FAM20A: variants seen among roughly 807,000 people sequenced by gnomAD.
FAM20A encodes FAM20A golgi associated secretory pathway pseudokinase.
FAM20A carries 42 observed loss-of-function variants against 52.0 expected under a neutral mutation model. The observed-to-expected ratio is 0.81, with a 90% CI of 0.63 to 1.04. FAM20A has a LOEUF of 1.04. Among genes scored for constraint, FAM20A ranks in the 50% least tolerant of loss-of-function variants. The pLI, the probability that FAM20A is intolerant of heterozygous loss-of-function variation, is 0.00. For synonymous variants in FAM20A, 304 were observed against 298.9 expected, an observed-to-expected ratio of 1.02 and a Z score of -0.18; for missense variants, 742 against 712.7, an observed-to-expected ratio of 1.04 and a Z score of -0.47.
intron 1 of FAM20A, among the ~76,000 whole-genome samples, chr17:68,589,018 GAT>G (rs1189747532): frequency 8.5e-5 from 13 of 152,184 alleles, no homozygotes; most frequent in African/African-American, 3.1e-4. Flanking sequence ...CAATGGCCAG[GAT>G]TCCTGAATCT....
At chr17:68,560,991 A>C (rs2143744164) in intron 1 of FAM20A, among the ~76,000 whole-genome samples, 1 of 152,140 alleles carries the variant, frequency 6.6e-6, no homozygotes, top group African/African-American at 2.4e-5. Flanking sequence ...CTATGTTTGT[A>C]TTGAGTTGTT....
At position 68,580,291 on chromosome 17, in the gene FAM20A, A is replaced by G. The variant is rs1477652489; in HGVS notation, c.404+19972T>C. The stretch of plus-strand genomic sequence containing the variant: ...TGGGTGGGGGGAGACACAGAACCTG[A>G]TTAACTGTTTGCTGTTGAGAAAGCA... On this transcript the variant is annotated intron_variant, in intron 1 of 10. Coordinates refer to ENST00000592554, the MANE Select transcript of FAM20A (RefSeq NM_017565.4). Among the ~76,000 whole-genome samples, 3 of 152,206 alleles carry G rather than the reference A, an allele frequency of 2.0e-5. No individual in the cohort carries two copies. The East Asian group carries it at 5.8e-4, about 29-fold the overall frequency.
At chr17:68,541,093 C>T in intron 7 of FAM20A, 135 bp from the exon 8 acceptor site, 3 of 1,361,334 alleles carry the variant, frequency 2.2e-6, no homozygotes, top group South Asian at 2.6e-5. Flanking sequence ...TTCTAAAATT[C>T]AGAAAGGCCC....
At position 68,600,729 on chromosome 17, in the gene FAM20A, C is replaced by T. The variant is rs1043624896; in HGVS notation, c.-63G>A. On this transcript the variant is annotated 5_prime_UTR_variant, in exon 1 of 11. Transcript: ENST00000592554. The surrounding 1 kb of genome is among the most constrained non-coding windows in gnomAD (Gnocchi z 6.2). ...CTGTCTCCGGGGTCCCGGGAGGGGTCGCGGGGTGCGGGCAGAAGAGGTGCC... is the reference window on the plus strand; with the variant it reads ...CTGTCTCCGGGGTCCCGGGAGGGGTTGCGGGGTGCGGGCAGAAGAGGTGCC... The T allele has an allele frequency of 4.0e-6, 6 of 1,501,192 alleles. No homozygotes were observed. In the African/African-American group the frequency reaches 7.1e-5, roughly 18 times the overall value. The allele number at this position is 1,501,192 out of a possible 1,614,324, so 93.0% of individuals were successfully genotyped here.
rs762609484 is a variant in FAM20A, at chr17:68,600,419, C to T, written c.248G>A (p.Gly83Asp). 2.1e-5 allele frequency: 34 copies of T among 1,610,034 alleles called. No individual in the cohort carries two copies. The Admixed American group carries it at 5.5e-4, about 26-fold the overall frequency. ...RTEPRTEPAG[G>D]SHSGSSSKLQ... ...CTTGGAGCTCGACCCGCTGTGGCTG[C>T]CGCCAGCCGGTTCAGTCCGGGGCTC... The change falls in exon 1 of 11, where the codon GGC becomes GAC. Residue 83 changes from glycine (G) to aspartate (D), a missense_variant. Coordinates refer to ENST00000592554, the MANE Select transcript of FAM20A (RefSeq NM_017565.4). The surrounding 1 kb of genome is among the most constrained non-coding windows in gnomAD (Gnocchi z 6.2).
At position 68,535,836 on chromosome 17, in the gene FAM20A, T is replaced by C. The variant is rs1470418343; in HGVS notation, c.*1641A>G. Reference sequence around the variant, plus strand: ...TTTTTTTTAAGCAAACAAATTTGACTTCATAAATTGGGTGGGATACTGTTG... The same window carrying C: ...TTTTTTTTAAGCAAACAAATTTGACCTCATAAATTGGGTGGGATACTGTTG... On this transcript the variant is annotated 3_prime_UTR_variant, in exon 11 of 11. Coordinates refer to ENST00000592554, the MANE Select transcript of FAM20A (RefSeq NM_017565.4). 2.2e-6 allele frequency: 1 copy of C among 453,868 alleles called. No homozygotes were observed. The allele number at this position is 453,868 out of a possible 1,614,324, so 28.1% of individuals were successfully genotyped here. A position where few individuals can be genotyped will look rare whatever the true frequency, so the allele number is the denominator to read the frequency against.
At chr17:68,540,690 C>G in intron 8 of FAM20A, 159 bp downstream of exon 8, 1 of 895,742 alleles carries the variant, frequency 1.1e-6, no homozygotes, top group Non-Finnish European at 1.8e-6. Flanking sequence ...AGCCTGTTAC[C>G]TTCTGTCCTC....
At chr17:68,543,773 T>C (rs772905042) in intron 4 of FAM20A, 52 bp from the exon 5 acceptor site, 1 of 1,491,568 alleles carries the variant, frequency 6.7e-7, no homozygotes, top group Admixed American at 1.7e-5. Flanking sequence ...GCTGGGAGCC[T>C]GAGAAGAGAG....
rs903537249 is a variant in FAM20A, at chr17:68,539,232, C to G, written c.1361+105G>C. On this transcript the variant is annotated intron_variant, in intron 10 of 10. Coordinates refer to ENST00000592554, the MANE Select transcript of FAM20A (RefSeq NM_017565.4). Reference sequence around the variant, plus strand: ...TGATTCATGTCATTCTACCCACTTACGTCCTGGACCAGTGAAAACTGGAAG... The same window carrying G: ...TGATTCATGTCATTCTACCCACTTAGGTCCTGGACCAGTGAAAACTGGAAG... 6.7e-6 allele frequency: 7 copies of G among 1,050,922 alleles called. No homozygotes were observed. In the East Asian group the frequency reaches 1.7e-4, roughly 25 times the overall value. 65.1% of individuals were successfully genotyped at this position (1,050,922 alleles called of 1,614,324 possible).
intron 4 of FAM20A, chr17:68,551,032 A>G: frequency 8.2e-7 from 1 of 1,213,676 alleles, no homozygotes; most frequent in Non-Finnish European, 1.0e-6. Context: ...TTCTGGAGGA[A>G]AGCATGACTT....
intron 1 of FAM20A, among the ~76,000 whole-genome samples, chr17:68,564,511 T>C (rs781727860): frequency 1.8e-4 from 27 of 152,220 alleles, no homozygotes; most frequent in Non-Finnish European, 3.2e-4. Context: ...GGCATGTATG[T>C]CATACTTGCA....
At chr17:68,589,244 T>C (rs1383905558) in intron 1 of FAM20A, among the ~76,000 whole-genome samples, 1 of 152,062 alleles carries the variant, frequency 6.6e-6, no homozygotes, top group Non-Finnish European at 1.5e-5. Flanking sequence ...AACCCAGACA[T>C]GGGAGGCAGT....
Position 68,600,517 on chromosome 17 carries a change from G to A in FAM20A, c.150C>T (p.Ala50=). 1 of 1,575,486 alleles carries A rather than the reference G, an allele frequency of 6.3e-7. No individual in the cohort carries two copies. The highest frequency in any genetic ancestry group is 8.6e-7 in the Non-Finnish European group (1 of 1,161,002). Residue 50 remains alanine (A), a synonymous_variant, in exon 1 of 11, where the codon GCC becomes GCT. Transcript: ENST00000592554. This position sits in a 1 kb window ranked among gnomAD's most constrained non-coding sequence, Gnocchi z 6.2. ...RPRGCPCTGR[A]SSLARDSAAA... Reference sequence around the variant, plus strand: ...CGGCCGAGTCCCGCGCCAGGGAGGAGGCGCGGCCGGTGCACGGGCACCCCC... The same window carrying A: ...CGGCCGAGTCCCGCGCCAGGGAGGAAGCGCGGCCGGTGCACGGGCACCCCC...
At chr17:68,580,415 T>C (rs1418840285) in intron 1 of FAM20A, among the ~76,000 whole-genome samples, 1 of 152,208 alleles carries the variant, frequency 6.6e-6, no homozygotes, top group Non-Finnish European at 1.5e-5. Flanking sequence ...CTCGTTAAAA[T>C]ACAATTGCTT....
rs2086126065 is a variant in FAM20A at position 68,537,441 on chromosome 17, C to T, written c.*36G>A. On this transcript the variant is annotated 3_prime_UTR_variant, in exon 11 of 11. Transcript: ENST00000592554. The surrounding 1 kb of genome is among the most constrained non-coding windows in gnomAD (Gnocchi z 4.2). ...GGCACTCGAGTCGACTGCTCTGGCT[C>T]CAGGCGTATTTTCTGAAACTGGACT... 1 of 1,613,672 alleles carries T rather than the reference C, an allele frequency of 6.2e-7. No homozygotes were observed. Among genetic ancestry groups the T allele is most frequent in the Middle Eastern group, 1.7e-4 (1 of 5,928 alleles).
chr17:68,541,120 A>G (rs2086270909), intron 7 of FAM20A, 162 bp from the exon 8 acceptor site: 1 of 989,580 alleles, frequency 1.0e-6, no homozygotes, highest in African/African-American at 1.6e-5. Context: ...AGGACGCGTA[A>G]GGCTGCATAT....
At chr17:68,581,414 CT>C (rs771494648) in intron 1 of FAM20A, among the ~76,000 whole-genome samples, 1 of 111,074 alleles carries the variant, frequency 9.0e-6, no homozygotes, top group Non-Finnish European at 1.9e-5. Context: ...TTCTTTCTTT[CT>C]TTTTCTCTTT....
intron 1 of FAM20A, chr17:68,591,746 G>GGGGA (rs2088317171): frequency 6.6e-6 from 1 of 152,088 alleles, no homozygotes; most frequent in Non-Finnish European, 1.5e-5. Context: ...GGAGGATGGG[G>GGGGA]GTGGAGCCTC....
intron 1 of FAM20A, among the ~76,000 whole-genome samples, chr17:68,560,162 G>C (rs2087169384): frequency 6.6e-6 from 1 of 152,010 alleles, no homozygotes; most frequent in Non-Finnish European, 1.5e-5. Context: ...TCAATCTCTT[G>C]ACCTCATGAT....
Sources: gnomAD v4.1 joint callset for allele counts (sites outside exome capture counted in the v4.1 genomes callset) on GRCh38, gnomAD v4.1.1 for gene constraint, Gnocchi (gnomAD v3.1) non-coding constraint, MANE v1.5 for transcripts, NCBI Gene and HGNC (gene_info 2026-07-23, HGNC 2026-07-21) for gene names.